Variants in GLT1D1 observed in about 807,000 individuals in gnomAD.
GLT1D1 encodes the protein glycosyltransferase 1 domain containing 1.
A neutral mutation model predicts 28.7 loss-of-function variants in GLT1D1; 21 were observed. The observed-to-expected ratio is 0.73, with a 90% CI of 0.52 to 1.05. The LOEUF is 1.05. Among genes scored for constraint, GLT1D1 ranks in the 50% least tolerant of loss-of-function variants. The probability of loss-of-function intolerance (pLI) is 0.00; values close to 1 mark genes in which losing one functional copy is unlikely to be tolerated. For synonymous variants in GLT1D1, 147 were observed against 124.8 expected (o/e 1.18, Z -1.19); for missense variants, 343 against 330.6 (o/e 1.04, Z -0.29).
intron 4 of GLT1D1, among the ~76,000 whole-genome samples, chr12:128,901,679 C>T (rs1870290247): frequency 6.6e-6 from 1 of 151,856 alleles, no homozygotes; most frequent in Admixed American, 6.6e-5. Context: ...TTGTGATCCA[C>T]CCACCTTGGC....
intron 7 of GLT1D1, among the ~76,000 whole-genome samples, chr12:128,962,492 C>T (rs1462647481): frequency 6.6e-6 from 1 of 152,124 alleles, no homozygotes. Flanking sequence ...GAGTAGAACA[C>T]AGTGTGGCCT....
rs374597920 is a variant in GLT1D1, at chr12:128,956,171, A to AAAAAAAAAAAAAAGAG, written c.541-1373_541-1372insAAAAAAAAAAAAGAGA. On this transcript the variant is annotated intron_variant, in intron 6 of 7. Transcript: ENST00000281703. ...GAGACTCCATCTCAAAAAAAAAAAA[A>AAAAAAAAAAAAAAGAG]AGAGAAAGAGAGAAAGAAAGAAAGA... 6.1e-4 allele frequency among the ~76,000 whole-genome samples: 39 copies of AAAAAAAAAAAAAAGAG among 63,846 alleles called. 1 individual carries two copies. Among genetic ancestry groups the AAAAAAAAAAAAAAGAG allele is most frequent in the African/African-American group, 1.1e-3 (25 of 22,246 alleles). The allele number at this position is 63,846 out of a possible 152,430, so 41.9% of individuals were successfully genotyped here. A position where few individuals can be genotyped will look rare whatever the true frequency, so the allele number is the denominator to read the frequency against.
At chr12:128,860,891 G>C (rs1228076484) in intron 1 of GLT1D1, among the ~76,000 whole-genome samples, 3 of 152,116 alleles carry the variant, frequency 2.0e-5, no homozygotes, top group African/African-American at 4.8e-5. Context: ...CACGGAACCG[G>C]GGAAATTGGT....
chr12:128,924,426 CA>C (rs551136651), intron 4 of GLT1D1, among the ~76,000 whole-genome samples: 53 of 128,914 alleles, frequency 4.1e-4, no homozygotes, highest in East Asian at 2.1e-3. Flanking sequence ...GACTTGGTCT[CA>C]AAAAAAAAAA....
At chr12:128,982,700 ATGTGTGTGTGCATGTATGTGTGCGTGTG>A (rs1294920218) in intron 7 of GLT1D1, among the ~76,000 whole-genome samples, 3 of 151,412 alleles carry the variant, frequency 2.0e-5, no homozygotes, top group Non-Finnish European at 2.9e-5. Context: ...GTGTGTGCAT[ATGTGTGTGTGCATGTATGTGTGCGTGTG>A]TGTGTGTGTG....
At chr12:128,947,492 T>C (rs1431876919) in intron 6 of GLT1D1, 34 bp downstream of exon 10, 1 of 1,612,178 alleles carries the variant, frequency 6.2e-7, no homozygotes, top group Non-Finnish European at 8.5e-7. Flanking sequence ...AAAGTGGGAG[T>C]GTGAAATTGT....
intron 4 of GLT1D1, among the ~76,000 whole-genome samples, chr12:128,940,407 G>C (rs1335396381): frequency 1.3e-5 from 2 of 152,144 alleles, no homozygotes; most frequent in East Asian, 3.9e-4. Context: ...AGGTGCTAGA[G>C]TTCTCATTGG....
chr12:128,934,295 C>G (rs1372607507), intron 4 of GLT1D1, among the ~76,000 whole-genome samples: 1 of 151,304 alleles, frequency 6.6e-6, no homozygotes, highest in African/African-American at 2.4e-5. Flanking sequence ...CCTCCACCCC[C>G]TGGGTTCAAA....
chr12:128,977,960 T>C (rs1436159467), intron 7 of GLT1D1, among the ~76,000 whole-genome samples: 2 of 151,760 alleles, frequency 1.3e-5, no homozygotes, highest in Non-Finnish European at 2.9e-5. Flanking sequence ...TTTTTTTGTA[T>C]TTTTGGTAGA....
At chr12:128,970,411 G>A (rs1878922887) in intron 7 of GLT1D1, among the ~76,000 whole-genome samples, 1 of 152,210 alleles carries the variant, frequency 6.6e-6, no homozygotes, top group Non-Finnish European at 1.5e-5. Flanking sequence ...CTCCCGGACC[G>A]AGGGGCTGTA....
intron 1 of GLT1D1, among the ~76,000 whole-genome samples, chr12:128,856,470 T>A (rs1475629808): frequency 6.6e-6 from 1 of 152,170 alleles, no homozygotes; most frequent in Non-Finnish European, 1.5e-5. Context: ...AGAGGCATGA[T>A]GATGGCTGAG....
At chr12:128,905,352 G>C (rs1870745037) in intron 4 of GLT1D1, among the ~76,000 whole-genome samples, 1 of 152,254 alleles carries the variant, frequency 6.6e-6, no homozygotes, top group Non-Finnish European at 1.5e-5. Context: ...GGCGAGGGCT[G>C]TTGTGTGCTC....
chr12:128,944,459 TATC>T (rs1212694954), intron 4 of GLT1D1: 1 of 1,337,360 alleles, frequency 7.5e-7, no homozygotes, highest in Non-Finnish European at 1.1e-6. Context: ...ATCTCTGGTT[TATC>T]ATCCTCACGC....
At chr12:128,945,825 G>A (rs1264893441) in intron 5 of GLT1D1, among the ~76,000 whole-genome samples, 2 of 152,190 alleles carry the variant, frequency 1.3e-5, no homozygotes, top group Admixed American at 1.3e-4. Context: ...AGACCTCAGG[G>A]ATTTGGCTCC....
intron 4 of GLT1D1, among the ~76,000 whole-genome samples, chr12:128,901,690 C>T (rs1870292586): frequency 6.6e-6 from 1 of 150,500 alleles, no homozygotes. Context: ...CCACCTTGGC[C>T]TCCCAAAGTG....
At chr12:128,924,334 T>A (rs972839650) in intron 4 of GLT1D1, among the ~76,000 whole-genome samples, 3 of 149,410 alleles carry the variant, frequency 2.0e-5, no homozygotes, top group South Asian at 2.1e-4. Context: ...GGCTGAGGGA[T>A]GAGAATTGCT....
chr12:128,854,155 T>G (rs1956146464), intron 1 of GLT1D1, among the ~76,000 whole-genome samples: 1 of 152,122 alleles, frequency 6.6e-6, no homozygotes, highest in Non-Finnish European at 1.5e-5. Context: ...CTCGTCTTCC[T>G]GGCTGGTTAG....
At position 128,888,622 on chromosome 12, in the gene GLT1D1, C is replaced by T. The variant is rs1168263651; in HGVS notation, c.218-17C>T. 4.5e-6 allele frequency: 7 copies of T among 1,556,086 alleles called. No homozygotes were observed. The highest frequency in any genetic ancestry group is 6.2e-6 in the Non-Finnish European group (7 of 1,129,678). On this transcript the variant is annotated splice_polypyrimidine_tract_variant and intron_variant, in intron 2 of 7. Coordinates refer to ENST00000281703, the MANE Select transcript of GLT1D1 (RefSeq NM_144669.3). The stretch of plus-strand genomic sequence containing the variant: ...TTTAGGGCTAAATTCTGCTTTGTGA[C>T]TGTCATCGTTTTGCAGGCCACCGAA...
intron 4 of GLT1D1, 25 bp from the exon 5 acceptor site, chr12:128,912,399 T>A: frequency 6.7e-7 from 1 of 1,503,574 alleles, no homozygotes; most frequent in Non-Finnish European, 8.9e-7. Context: ...GTACTTTTCT[T>A]TTCTCTCTCC....
Sources: gnomAD v4.1 joint callset for allele counts (sites outside exome capture counted in the v4.1 genomes callset) on GRCh38, gnomAD v4.1.1 for gene constraint, MANE v1.5 for transcripts, NCBI Gene and HGNC (gene_info 2026-07-23, HGNC 2026-07-21) for gene names.